The following SPATS2 variants were observed in gnomAD, a reference collection of about 807,000 sequenced individuals.
SPATS2 encodes spermatogenesis-associated serine-rich protein 2.
SPATS2 carries 38 observed loss-of-function variants against 63.7 expected under a neutral mutation model. That is an observed-to-expected ratio of 0.60 (90% CI 0.46 to 0.78). The LOEUF (loss-of-function observed/expected upper bound fraction) is 0.78. SPATS2 is among the 30% of genes least tolerant of loss of function. SPATS2 has a pLI of 0.00. For synonymous variants in SPATS2, 207 were observed against 232.9 expected (o/e 0.89, Z 1.01); for missense variants, 588 against 666.2 (o/e 0.88, Z 1.29).
chr12:49,458,539 G>C (rs1945760780), intron 2 of SPATS2, among the ~76,000 whole-genome samples: 1 of 151,738 alleles, frequency 6.6e-6, no homozygotes, highest in Non-Finnish European at 1.5e-5. Context: ...CAGCACTTTG[G>C]GAGGCCAAGG....
chr12:49,384,981 G>A (rs904464576), intron 2 of SPATS2, among the ~76,000 whole-genome samples: 1 of 151,980 alleles, frequency 6.6e-6, no homozygotes, highest in African/African-American at 2.4e-5. Flanking sequence ...AGCTAATTTT[G>A]TATTTTTAGT....
intron 4 of SPATS2, among the ~76,000 whole-genome samples, chr12:49,488,691 G>T (rs1453101801): frequency 6.6e-6 from 1 of 151,568 alleles, no homozygotes. Flanking sequence ...TATCAACATA[G>T]AAAAAATCTA....
At chr12:49,373,075 C>T (rs1446706057) in intron 2 of SPATS2, among the ~76,000 whole-genome samples, 4 of 151,636 alleles carry the variant, frequency 2.6e-5, no homozygotes, top group Non-Finnish European at 4.4e-5. Context: ...CGGGTTCAAG[C>T]GATTCTCCTT....
intron 2 of SPATS2, among the ~76,000 whole-genome samples, chr12:49,375,190 G>C: frequency 1.1e-5 from 1 of 91,110 alleles, no homozygotes. Flanking sequence ...GTGTGTGTGT[G>C]TGTGTGGTGG....
At chr12:49,436,438 G>T (rs1327458069) in intron 2 of SPATS2, among the ~76,000 whole-genome samples, 9 of 143,660 alleles carry the variant, frequency 6.3e-5, no homozygotes, top group Non-Finnish European at 7.7e-5. Context: ...GCGGCTGGCC[G>T]GGCAGAGGGG....
chr12:49,398,621 GA>G, intron 2 of SPATS2, among the ~76,000 whole-genome samples: 2 of 152,296 alleles, frequency 1.3e-5, no homozygotes. Flanking sequence ...GGGAATGGAT[GA>G]ACTTAGTTGA....
At chr12:49,442,257 A>G (rs917305008) in intron 2 of SPATS2, among the ~76,000 whole-genome samples, 14 of 152,318 alleles carry the variant, frequency 9.2e-5, no homozygotes, top group East Asian at 1.9e-4. Context: ...AAATGGGACA[A>G]TGTGGGAGTC....
chr12:49,447,340 G>A (rs866614065), intron 2 of SPATS2, among the ~76,000 whole-genome samples: 1 of 152,190 alleles, frequency 6.6e-6, no homozygotes, highest in South Asian at 2.1e-4. Flanking sequence ...CTGGGTTCAA[G>A]CGATTCTCTT....
chr12:49,455,990 A>G (rs1051454728), intron 2 of SPATS2, among the ~76,000 whole-genome samples: 1 of 152,058 alleles, frequency 6.6e-6, no homozygotes, highest in Non-Finnish European at 1.5e-5. Context: ...GCTTGCACCA[A>G]CCATGACAGC....
intron 2 of SPATS2, among the ~76,000 whole-genome samples, chr12:49,382,172 C>T (rs1337300632): frequency 6.6e-6 from 1 of 152,228 alleles, no homozygotes; most frequent in Non-Finnish European, 1.5e-5. Context: ...CTCCTCAAAC[C>T]TCACTGAAGT....
At chr12:49,452,468 A>G (rs552497746) in intron 2 of SPATS2, among the ~76,000 whole-genome samples, 1 of 152,120 alleles carries the variant, frequency 6.6e-6, no homozygotes. Flanking sequence ...TTATAGAGAC[A>G]GCGTCTCACT....
At chr12:49,433,639 G>A (rs550193565) in intron 2 of SPATS2, among the ~76,000 whole-genome samples, 46 of 121,932 alleles carry the variant, frequency 3.8e-4, no homozygotes, top group African/African-American at 1.1e-3. Context: ...TTGGGTTTTT[G>A]TTGTTGTTGT....
In SPATS2 at chr12:49,481,752, T is replaced by G. The variant is rs1197642590; in HGVS notation, c.26-2838T>G. 1.9e-4 allele frequency among the ~76,000 whole-genome samples: 29 copies of G among 152,084 alleles called. 1 individual carries two copies. The highest frequency in any genetic ancestry group is 1.9e-3 in the Admixed American group (29 of 15,250). On this transcript the variant is annotated intron_variant, in intron 3 of 13. Transcript: ENST00000552918. ...TGCTGGGATTACAGGTGTGAGCCACTGCATCTGGCCTAGGCATCCTCATAT... is the reference window on the plus strand; with the variant it reads ...TGCTGGGATTACAGGTGTGAGCCACGGCATCTGGCCTAGGCATCCTCATAT...
intron 2 of SPATS2, among the ~76,000 whole-genome samples, chr12:49,388,832 C>G: frequency 6.6e-6 from 1 of 151,826 alleles, no homozygotes; most frequent in Non-Finnish European, 1.5e-5. Flanking sequence ...GTAGCTGGTA[C>G]TGTAGGCACA....
intron 8 of SPATS2, among the ~76,000 whole-genome samples, chr12:49,497,529 G>C (rs1329410240): frequency 6.6e-6 from 1 of 151,884 alleles, no homozygotes; most frequent in Non-Finnish European, 1.5e-5. Flanking sequence ...CAAGTAGCTG[G>C]GACTACAGGC....
chr12:49,459,160 C>A lies in SPATS2; in HGVS notation c.-243-1610C>A, dbSNP rs546222200. Reference sequence around the variant, plus strand: ...AGCAGAGAAGGAGATGGGGTATAACCTTATAAGGGGGATAATAAAACTTCG... The same window carrying A: ...AGCAGAGAAGGAGATGGGGTATAACATTATAAGGGGGATAATAAAACTTCG... On this transcript the variant is annotated intron_variant, in intron 2 of 13. Transcript: ENST00000552918. 2.3e-4 allele frequency among the ~76,000 whole-genome samples: 35 copies of A among 152,012 alleles called. 2 individuals are homozygous for A. The South Asian group carries it at 7.1e-3, about 31-fold the overall frequency.
intron 3 of SPATS2, 48 bp downstream of exon 3, chr12:49,461,085 T>C (rs1945814268): frequency 6.3e-7 from 1 of 1,581,986 alleles, no homozygotes; most frequent in Non-Finnish European, 8.7e-7. Context: ...GTTATAATGA[T>C]CCCCATTTAT....
intron 2 of SPATS2, among the ~76,000 whole-genome samples, chr12:49,432,862 G>A (rs1363284828): frequency 6.6e-6 from 1 of 152,152 alleles, no homozygotes; most frequent in Non-Finnish European, 1.5e-5. Flanking sequence ...TCTGAATAAT[G>A]CTACCATGAA....
chr12:49,429,337 AAT>A (rs1565717270), intron 2 of SPATS2, among the ~76,000 whole-genome samples: 1 of 152,196 alleles, frequency 6.6e-6, no homozygotes. Flanking sequence ...CAAGTCTTAC[AAT>A]TATGGGAGAG....
Sources: gnomAD v4.1 joint callset for allele counts (sites outside exome capture counted in the v4.1 genomes callset) on GRCh38, gnomAD v4.1.1 for gene constraint, MANE v1.5 for transcripts, NCBI Gene and HGNC (gene_info 2026-07-23, HGNC 2026-07-21) for gene names.